The following GRIP1 variants were observed in gnomAD, a reference collection of about 807,000 sequenced individuals.
GRIP1 encodes the protein glutamate receptor interacting protein 1, also known as glutamate receptor-interacting protein 1.
GRIP1 carries 45 observed loss-of-function variants against 129.9 expected under a neutral mutation model. The ratio of observed to expected loss-of-function variants is 0.35; its 90% CI spans 0.27 to 0.44. The LOEUF is 0.44. GRIP1 is among the 20% of genes least tolerant of loss of function. The pLI is 1.00. For synonymous variants in GRIP1, 530 were observed against 520.8 expected (o/e 1.02, Z -0.24); for missense variants, 1,196 against 1,396.8 (o/e 0.86, Z 2.29).
At chr12:66,811,248 A>G (rs1018048826) in intron 1 of GRIP1, among the ~76,000 whole-genome samples, 1 of 152,212 alleles carries the variant, frequency 6.6e-6, no homozygotes, top group African/African-American at 2.4e-5. Context: ...GAATGAGCAT[A>G]AAAGAGCAAA....
intron 1 of GRIP1, among the ~76,000 whole-genome samples, chr12:66,785,307 C>CATATATAT (rs1337681764): frequency 1.7e-5 from 1 of 58,894 alleles, no homozygotes; most frequent in African/African-American, 6.0e-5. Context: ...AAGAATTTAA[C>CATATATAT]ATACATACAT....
intron 7 of GRIP1, among the ~76,000 whole-genome samples, chr12:66,472,917 G>A (rs916175588): frequency 1.3e-5 from 2 of 152,192 alleles, no homozygotes; most frequent in African/African-American, 4.8e-5. Flanking sequence ...CAGACACTGA[G>A]CTAGCTACAG....
intron 1 of GRIP1, among the ~76,000 whole-genome samples, chr12:66,891,088 C>T (rs1225189599): frequency 6.6e-6 from 1 of 152,108 alleles, no homozygotes; most frequent in Non-Finnish European, 1.5e-5. Context: ...ATGTATACTT[C>T]AATAAGGAAT....
intron 1 of GRIP1, among the ~76,000 whole-genome samples, chr12:66,621,552 T>C (rs1214740996): frequency 6.6e-6 from 1 of 152,200 alleles, no homozygotes; most frequent in African/African-American, 2.4e-5. Flanking sequence ...AATGCTGCTC[T>C]GAACAGTGAG....
upstream of GRIP1, among the ~76,000 whole-genome samples, chr12:66,683,460 T>C (rs1423336150): frequency 6.6e-6 from 1 of 152,176 alleles, no homozygotes. Flanking sequence ...AAAGTTGGTG[T>C]AATTGCCCAA....
chr12:66,907,889 G>A (rs1005045402), intron 1 of GRIP1, among the ~76,000 whole-genome samples: 3 of 152,076 alleles, frequency 2.0e-5, no homozygotes, highest in East Asian at 3.8e-4. Context: ...AGGAGAAAGG[G>A]TCATGCCAAC....
chr12:66,904,717 C>T (rs192917643), intron 1 of GRIP1, among the ~76,000 whole-genome samples: 106 of 152,150 alleles, frequency 7.0e-4, no homozygotes, highest in African/African-American at 2.5e-3. Context: ...GTGGTGAAAC[C>T]TCATCTTCTA....
At chr12:66,721,839 T>A (rs1048374016) in intron 1 of GRIP1, among the ~76,000 whole-genome samples, 1 of 152,238 alleles carries the variant, frequency 6.6e-6, no homozygotes, top group Non-Finnish European at 1.5e-5. Flanking sequence ...ACTTGCTGCT[T>A]CACCTTGTAC....
At chr12:66,861,964 A>G (rs1002566584) in intron 1 of GRIP1, among the ~76,000 whole-genome samples, 4 of 152,244 alleles carry the variant, frequency 2.6e-5, no homozygotes, top group African/African-American at 9.6e-5. Flanking sequence ...TACCTGAATT[A>G]GTACTCAGTC....
chr12:66,350,272 T>C (rs1384184776), intron 24 of GRIP1, among the ~76,000 whole-genome samples: 1 of 151,926 alleles, frequency 6.6e-6, no homozygotes, highest in African/African-American at 2.4e-5. Flanking sequence ...CTGAGGTGGG[T>C]GGATCCCCTG....
chr12:66,393,754 T>A lies in GRIP1; in HGVS notation c.2129+454A>T, dbSNP rs2056683999. Among the ~76,000 whole-genome samples the A allele has an allele frequency of 2.0e-5, 3 of 152,162 alleles. No homozygotes were observed. In the South Asian group the frequency reaches 6.2e-4, roughly 32 times the overall value. On this transcript the variant is annotated intron_variant, in intron 17 of 24. Transcript: ENST00000359742. ...GCTTTTAAGACATTATTAAAATGGG[T>A]TATACACTTTGTTTCCCATAATCCT...
intron 1 of GRIP1, among the ~76,000 whole-genome samples, chr12:66,908,308 A>G (rs1190180517): frequency 6.6e-6 from 1 of 152,188 alleles, no homozygotes; most frequent in Non-Finnish European, 1.5e-5. Context: ...AAAGTCAATG[A>G]CAATCTGATG....
rs58564255 is a variant in GRIP1, at chr12:66,707,503, TAAAAAAAAAAAA to T, written c.-419-77179_-419-77168del. 1.9e-3 allele frequency among the ~76,000 whole-genome samples: 121 copies of T among 64,032 alleles called. 1 individual carries two copies. The highest frequency in any genetic ancestry group is 7.0e-3 in the African/African-American group (121 of 17,346). The allele number at this position is 64,032 out of a possible 152,430, so 42.0% of individuals were successfully genotyped here. On this transcript the variant is annotated intron_variant, in intron 1 of 4. Coordinates refer to the GRIP1 transcript ENST00000538373. ...TTAACTGTCTGCGCCAATCACTGAC[TAAAAAAAAAAAA>T]AAAAAAAAAAAAGATGTGGAAAACC... is the stretch of plus-strand genomic sequence containing the variant.
At position 66,838,187 on chromosome 12, in the gene GRIP1, T is replaced by TAA. The variant is rs56259335; in HGVS notation, c.58+230861_58+230862dup. Among the ~76,000 whole-genome samples the TAA allele has an allele frequency of 1.6e-3, 223 of 137,494 alleles. 1 individual carries two copies. Among genetic ancestry groups the TAA allele is most frequent in the Middle Eastern group, 0.011 (3 of 262 alleles). 90.2% of individuals were successfully genotyped at this position (137,494 alleles called of 152,430 possible). On this transcript the variant is annotated intron_variant, in intron 1 of 1. Transcript: ENST00000643019. Reference sequence around the variant, plus strand: ...GCAGGTGACAGAGAAAGACTCCACCTAAAAAAAAAAAAAAAATCGAGCAGG... The same window carrying TAA: ...GCAGGTGACAGAGAAAGACTCCACCTAAAAAAAAAAAAAAAAAATCGAGCAGG...
chr12:66,805,334 A>C (rs910966532), upstream of GRIP1, among the ~76,000 whole-genome samples: 1 of 152,188 alleles, frequency 6.6e-6, no homozygotes, highest in Non-Finnish European at 1.5e-5. Flanking sequence ...TTCATAGTAG[A>C]CGAGAGAGGT....
At chr12:66,683,332 A>C (rs962017027), upstream of GRIP1, among the ~76,000 whole-genome samples, 1 of 152,030 alleles carries the variant, frequency 6.6e-6, no homozygotes, top group Admixed American at 6.6e-5. Context: ...CATGAGACCA[A>C]ACATTAGGGT....
At chr12:66,867,492 G>A (rs571362252) in intron 1 of GRIP1, among the ~76,000 whole-genome samples, 2 of 152,080 alleles carry the variant, frequency 1.3e-5, no homozygotes, top group African/African-American at 2.4e-5. Flanking sequence ...TGTAGGCAAG[G>A]GTCCTACGAA....
intron 11 of GRIP1, among the ~76,000 whole-genome samples, chr12:66,454,986 T>C (rs562352240): frequency 6.6e-6 from 1 of 152,302 alleles, no homozygotes; most frequent in Non-Finnish European, 1.5e-5. Context: ...GAGAATCTTA[T>C]ATTTATCAAA....
intron 1 of GRIP1, among the ~76,000 whole-genome samples, chr12:66,875,718 T>C (rs546718038): frequency 6.6e-6 from 1 of 152,124 alleles, no homozygotes; most frequent in Admixed American, 6.6e-5. Flanking sequence ...ATCCAACATA[T>C]TGTGGTGCTT....
Sources: allele counts gnomAD v4.1 joint callset (sites outside exome capture counted in the v4.1 genomes callset), GRCh38; gene constraint gnomAD v4.1.1; transcripts MANE v1.5; gene names NCBI Gene and HGNC (gene_info 2026-07-23, HGNC 2026-07-21).